The following PCDHGB4 variants were observed in gnomAD, a reference collection of about 807,000 sequenced individuals.
PCDHGB4 encodes protocadherin gamma-B4.
Under a neutral mutation model 60.5 loss-of-function variants are expected in PCDHGB4, and 38 were observed. The observed-to-expected ratio is 0.63, with a 90% CI of 0.48 to 0.82. PCDHGB4 has a LOEUF of 0.82. Among genes scored for constraint, PCDHGB4 ranks in the 40% least tolerant of loss-of-function variants. The pLI is 0.00. For missense variants in PCDHGB4, 1,109 were observed against 1,209.6 expected (o/e 0.92, Z 1.23); for synonymous variants, 456 against 509.7 (o/e 0.89, Z 1.42).
intron 1 of PCDHGB4, among the ~76,000 whole-genome samples, chr5:141,483,599 G>A (rs1419379218): frequency 6.6e-6 from 1 of 152,048 alleles, no homozygotes; most frequent in African/African-American, 2.4e-5. Flanking sequence ...GGTCAGGCTG[G>A]TTTACACCTC....
At chr5:141,422,458 C>T (rs375149811) in intron 1 of PCDHGB4, 264 of 1,613,148 alleles carry the variant, frequency 1.6e-4, no homozygotes, top group Non-Finnish European at 2.1e-4. Context: ...AAGCAGAGTG[C>T]TGGACAGGGA....
intron 1 of PCDHGB4, chr5:141,426,194 T>C (rs1482565872): frequency 6.4e-6 from 1 of 155,380 alleles, no homozygotes; most frequent in Non-Finnish European, 1.4e-5. Context: ...ACTGGGAGCA[T>C]TGAGTTTTCT....
chr5:141,442,317 A>T (rs1257883989), intron 1 of PCDHGB4: 2 of 152,400 alleles, frequency 1.3e-5, no homozygotes, highest in Admixed American at 6.5e-5. Context: ...ACGGATGTCT[A>T]TCCCGCGCTA....
In PCDHGB4 at chr5:141,495,049, T is replaced by G. The variant is rs543734863; in HGVS notation, c.2456+184T>G. ...CCCCGGAAGGAAGAGGCGACTGCCC[T>G]GACTGTTCAGGAAGCTCAATTCACA... On this transcript the variant is annotated intron_variant, in intron 2 of 3. Coordinates refer to ENST00000519479, the MANE Select transcript of PCDHGB4 (RefSeq NM_003736.4). Among the ~76,000 whole-genome samples the G allele has an allele frequency of 5.6e-4, 86 of 152,312 alleles. 1 individual carries two copies. Among genetic ancestry groups the G allele is most frequent in the African/African-American group, 1.6e-3 (65 of 41,578 alleles).
rs368850413 is a variant in PCDHGB4, at chr5:141,400,711, C to T, written c.2397+10430C>T. 8.7e-6 allele frequency: 6 copies of T among 691,160 alleles called. No individual in the cohort carries two copies. The African/African-American group carries it at 9.0e-5, about 10-fold the overall frequency. The allele number at this position is 691,160 out of a possible 1,614,324, so 42.8% of individuals were successfully genotyped here. On this transcript the variant is annotated intron_variant, in intron 1 of 3. Coordinates refer to ENST00000519479, the MANE Select transcript of PCDHGB4 (RefSeq NM_003736.4). Reference sequence around the variant, plus strand: ...TTTTATGTCGCATAAAAGAAGTAGCCTTATAGATTTACAAAGTAGTGAGAG... The same window carrying T: ...TTTTATGTCGCATAAAAGAAGTAGCTTTATAGATTTACAAAGTAGTGAGAG...
At chr5:141,418,347 G>A in intron 1 of PCDHGB4, 1 of 1,614,024 alleles carries the variant, frequency 6.2e-7, no homozygotes, top group Non-Finnish European at 8.5e-7. Flanking sequence ...CCTGATATTA[G>A]TATGAATTCG....
chr5:141,417,878 C>T, intron 1 of PCDHGB4: 1 of 1,558,216 alleles, frequency 6.4e-7, no homozygotes, highest in Non-Finnish European at 8.7e-7. Context: ...GAGCTGCGCG[C>T]AGAGGCGCCG....
chr5:141,492,632 C>G (rs1359761285), intron 1 of PCDHGB4, among the ~76,000 whole-genome samples: 1 of 152,256 alleles, frequency 6.6e-6, no homozygotes, highest in Non-Finnish European at 1.5e-5. Flanking sequence ...CAGGACTCTA[C>G]GATCCTTGGG....
chr5:141,393,263 A>G, intron 1 of PCDHGB4: 2 of 1,613,926 alleles, frequency 1.2e-6, no homozygotes, highest in Non-Finnish European at 1.7e-6. Context: ...TTCCTGGAGC[A>G]CGTTATCCAC....
intron 1 of PCDHGB4, chr5:141,391,145 G>A (rs1212141265): frequency 6.6e-6 from 1 of 152,000 alleles, no homozygotes; most frequent in African/African-American, 2.4e-5. Flanking sequence ...CTACCTCTAG[G>A]AAAGAAATAT....
chr5:141,487,590 C>G lies in PCDHGB4; in HGVS notation c.2398-7217C>G. 1 of 1,614,160 alleles carries G rather than the reference C, an allele frequency of 6.2e-7. No homozygotes were observed. Among genetic ancestry groups the G allele is most frequent in the Non-Finnish European group, 8.5e-7 (1 of 1,180,040 alleles). ...GAGCCTGTTCGCCCAAGCTGCCCACCCTCTGATCTTCTCTATGGGCTAGAG... is the reference window on the plus strand; with the variant it reads ...GAGCCTGTTCGCCCAAGCTGCCCACGCTCTGATCTTCTCTATGGGCTAGAG... On this transcript the variant is annotated intron_variant, in intron 1 of 3. Transcript: ENST00000519479. The surrounding 1 kb of genome is among the most constrained non-coding windows in gnomAD (Gnocchi z 5.0).
intron 1 of PCDHGB4, chr5:141,421,833 C>A: frequency 6.2e-7 from 1 of 1,613,756 alleles, no homozygotes; most frequent in South Asian, 1.1e-5. Context: ...GAAGCCTGGA[C>A]CGAGAGAAAG....
intron 1 of PCDHGB4, chr5:141,405,481 G>A: frequency 2.0e-6 from 2 of 992,130 alleles, no homozygotes; most frequent in Middle Eastern, 2.6e-4. Context: ...ATGCAGTGGT[G>A]TGATCTCGGC....
chr5:141,501,331 A>T (rs1024837974), intron 2 of PCDHGB4, among the ~76,000 whole-genome samples: 2 of 138,846 alleles, frequency 1.4e-5, no homozygotes, highest in Non-Finnish European at 1.6e-5. Flanking sequence ...ACACACACAC[A>T]CACCCCAAAC....
At chr5:141,423,754 GGGGGGGT>G in intron 1 of PCDHGB4, 1 of 577,826 alleles carries the variant, frequency 1.7e-6, no homozygotes, top group Non-Finnish European at 2.2e-6. Flanking sequence ...ACTGTTTGGG[GGGGGGGT>G]GGGGCGGCAT....
rs986276637 is a variant in PCDHGB4, at chr5:141,487,728, C to A, written c.2398-7079C>A. The A allele has an allele frequency of 3.2e-6, 5 of 1,570,444 alleles. No individual in the cohort carries two copies. The highest frequency in any genetic ancestry group is 2.3e-5 in the East Asian group (1 of 42,866). On this transcript the variant is annotated intron_variant, in intron 1 of 3. Transcript: ENST00000519479. The surrounding 1 kb of genome is among the most constrained non-coding windows in gnomAD (Gnocchi z 5.0). ...TCAGTAAGTGCCCATAGTGATGTCACCATTTTTGTAAGAGGTAACTATGTG... is the reference window on the plus strand; with the variant it reads ...TCAGTAAGTGCCCATAGTGATGTCAACATTTTTGTAAGAGGTAACTATGTG...
At chr5:141,403,758 T>C (rs1022850868) in intron 1 of PCDHGB4, 18 of 1,613,804 alleles carry the variant, frequency 1.1e-5, no homozygotes, top group Non-Finnish European at 1.4e-5. Flanking sequence ...GCCAGCGACC[T>C]GGATGAGGGA....
chr5:141,430,577 C>A, intron 1 of PCDHGB4: 1 of 464,652 alleles, frequency 2.2e-6, no homozygotes. Context: ...AAGCGGAGAT[C>A]CTGCTCGCCT....
intron 3 of PCDHGB4, among the ~76,000 whole-genome samples, chr5:141,509,050 C>T (rs867585045): frequency 1.6e-4 from 25 of 152,304 alleles, no homozygotes; most frequent in Admixed American, 5.2e-4. Flanking sequence ...CCCCCGCCCC[C>T]AGAAAGCTCT....
Sources: allele counts gnomAD v4.1 joint callset (sites outside exome capture counted in the v4.1 genomes callset), GRCh38; gene constraint gnomAD v4.1.1; non-coding constraint Gnocchi (gnomAD v3.1); transcripts MANE v1.5; gene names NCBI Gene and HGNC (gene_info 2026-07-23, HGNC 2026-07-21).